MCF2L2: variants seen among roughly 807,000 people sequenced by gnomAD.
The protein encoded by MCF2L2 is probable guanine nucleotide exchange factor MCF2L2.
Under a neutral mutation model 150.2 loss-of-function variants are expected in MCF2L2, and 102 were observed. The observed-to-expected ratio is 0.68, with a 90% CI of 0.58 to 0.80. The LOEUF is 0.80. MCF2L2 is among the 30% of genes least tolerant of loss of function. The probability of loss-of-function intolerance (pLI) is 0.00; values close to 1 mark genes in which losing one functional copy is unlikely to be tolerated. For missense variants in MCF2L2, 1,256 were observed against 1,372.8 expected (o/e 0.91, Z 1.34); for synonymous variants, 465 against 491.3 (o/e 0.95, Z 0.71).
chr3:183,209,647 C>T (rs1320241791), intron 22 of MCF2L2, among the ~76,000 whole-genome samples: 1 of 152,052 alleles, frequency 6.6e-6, no homozygotes, highest in Non-Finnish European at 1.5e-5. Flanking sequence ...CATTACCATG[C>T]CCGGCTAATT....
intron 15 of MCF2L2, 178 bp downstream of exon 15, chr3:183,276,694 G>C: frequency 2.1e-6 from 1 of 468,550 alleles, no homozygotes; most frequent in Non-Finnish European, 3.8e-6. Context: ...TCTTTTGCTT[G>C]TTGCTTTTGT....
intron 6 of MCF2L2, among the ~76,000 whole-genome samples, chr3:183,320,293 C>G (rs1729760574): frequency 1.3e-5 from 2 of 152,066 alleles, no homozygotes; most frequent in African/African-American, 4.8e-5. Context: ...AGGGTTTCAC[C>G]ATGTTGTCCA....
chr3:183,338,753 A>T lies in MCF2L2; in HGVS notation c.486+47T>A, dbSNP rs6772530. ...AGAAACCCTGCCCAAATGCCATCTT[A>T]GCCAGAAGCCCTAACCAAATGAGAC... On this transcript the variant is annotated intron_variant, in intron 5 of 29. Transcript: ENST00000328913. 10 of 1,551,984 alleles carry T rather than the reference A, an allele frequency of 6.4e-6. No individual in the cohort carries two copies. In the Admixed American group the frequency reaches 9.0e-5, roughly 14 times the overall value.
intron 15 of MCF2L2, chr3:183,269,913 A>G: frequency 6.2e-7 from 1 of 1,614,132 alleles, no homozygotes; most frequent in Middle Eastern, 1.6e-4. Flanking sequence ...CGATAATCAC[A>G]TTGTGAGCCA....
At chr3:183,389,238 G>A (rs1714008602) in intron 2 of MCF2L2, among the ~76,000 whole-genome samples, 1 of 152,172 alleles carries the variant, frequency 6.6e-6, no homozygotes, top group African/African-American at 2.4e-5. Context: ...CCAATCAAAT[G>A]CTTGATGGAA....
At chr3:183,406,566 G>C (rs543288439) in intron 1 of MCF2L2, among the ~76,000 whole-genome samples, 1 of 152,230 alleles carries the variant, frequency 6.6e-6, no homozygotes, top group Non-Finnish European at 1.5e-5. Flanking sequence ...TCGGCTCACT[G>C]CAACCTCTGC....
intron 25 of MCF2L2, among the ~76,000 whole-genome samples, chr3:183,203,676 G>A (rs1722376110): frequency 6.6e-6 from 1 of 152,178 alleles, no homozygotes; most frequent in Non-Finnish European, 1.5e-5. Context: ...AATATTTAAA[G>A]AAGCAATGGC....
chr3:183,282,400 G>A (rs1235820317), intron 14 of MCF2L2, among the ~76,000 whole-genome samples: 2 of 152,008 alleles, frequency 1.3e-5, no homozygotes, highest in East Asian at 3.9e-4. Context: ...GGATGGTCTC[G>A]ATCTCCTGAC....
chr3:183,195,085 T>C (rs1015614267), intron 26 of MCF2L2, 137 bp downstream of exon 26: 2 of 760,070 alleles, frequency 2.6e-6, no homozygotes, highest in Non-Finnish European at 4.2e-6. Context: ...GCCCAGCCAA[T>C]ATTTTTTAAA....
intron 3 of MCF2L2, among the ~76,000 whole-genome samples, chr3:183,350,860 C>T (rs565942187): frequency 8.6e-5 from 13 of 151,124 alleles, no homozygotes; most frequent in Admixed American, 2.6e-4. Flanking sequence ...GCCCAGATAG[C>T]GCCACGGCAC....
intron 13 of MCF2L2, among the ~76,000 whole-genome samples, chr3:183,290,130 A>G (rs1034020475): frequency 2.0e-5 from 3 of 152,226 alleles, no homozygotes; most frequent in Non-Finnish European, 2.9e-5. Context: ...ATCACTTAGT[A>G]TATTTCCTTA....
At chr3:183,349,526 G>C (rs1178189579) in intron 3 of MCF2L2, among the ~76,000 whole-genome samples, 2 of 152,202 alleles carry the variant, frequency 1.3e-5, no homozygotes, top group Non-Finnish European at 2.9e-5. Context: ...GAGCAAAACA[G>C]TTCTGCTGCA....
intron 15 of MCF2L2, among the ~76,000 whole-genome samples, chr3:183,240,051 G>C (rs1473310333): frequency 6.6e-6 from 1 of 152,076 alleles, no homozygotes; most frequent in African/African-American, 2.4e-5. Flanking sequence ...TGTCACCCAG[G>C]CTCCTTATAT....
At chr3:183,272,522 ATTTT>A (rs1350633862) in intron 15 of MCF2L2, 2 of 993,842 alleles carry the variant, frequency 2.0e-6, no homozygotes, top group Non-Finnish European at 2.4e-6. Flanking sequence ...AGAAATTTTA[ATTTT>A]TTTCTATTTT....
chr3:183,331,426 T>C (rs1035389876), intron 5 of MCF2L2, among the ~76,000 whole-genome samples: 3 of 152,218 alleles, frequency 2.0e-5, no homozygotes. Context: ...TTACCATACG[T>C]GCATATTCTT....
In MCF2L2 at chr3:183,427,998, T is replaced by G. The variant is rs754910944; in HGVS notation, c.-21A>C. 1 of 1,596,380 alleles carries G rather than the reference T, an allele frequency of 6.3e-7. No individual in the cohort carries two copies. Among genetic ancestry groups the G allele is most frequent in the Non-Finnish European group, 8.6e-7 (1 of 1,164,134 alleles). On this transcript the variant is annotated 5_prime_UTR_variant, in exon 1 of 30. Transcript: ENST00000328913. ...AGCATTTCACTGAAAAACCATTCCG[T>G]ATAAATAAAGCCAAACAAAACTGTT...
intron 14 of MCF2L2, among the ~76,000 whole-genome samples, chr3:183,277,328 T>C (rs111653376): frequency 0.024 from 3,444 of 142,494 alleles, 149 homozygotes; most frequent in African/African-American, 0.088. Context: ...CAGAGCGAGA[T>C]GCCATATCCA....
At chr3:183,182,166 C>A (rs889785794) in intron 27 of MCF2L2, among the ~76,000 whole-genome samples, 3 of 152,128 alleles carry the variant, frequency 2.0e-5, no homozygotes, top group Non-Finnish European at 2.9e-5. Flanking sequence ...TGCCTCCAGG[C>A]GAGGATTTGC....
chr3:183,341,617 T>C lies in MCF2L2; in HGVS notation c.289A>G (p.Ser97Gly), dbSNP rs377129962. 6.2e-6 allele frequency: 10 copies of C among 1,613,872 alleles called. No homozygotes were observed. The highest frequency in any genetic ancestry group is 8.5e-6 in the Non-Finnish European group (10 of 1,179,836). Reference protein sequence around the residue: ...LTSIPSVEAASIGFIVVIDRR... With the variant: ...LTSIPSVEAAGIGFIVVIDRR... ...TCGATAACAACAATGAATCCAATGC[T>C]GGCAGCCTCCACACTGCAAAGAAGG... The change falls in exon 4 of 30, where the codon AGC (serine) becomes GGC (glycine). Residue 97 changes from serine to glycine, a missense_variant. By Grantham distance (56) the Ser-to-Gly change is moderately conservative (BLOSUM62 0). Coordinates refer to ENST00000328913, the MANE Select transcript of MCF2L2 (RefSeq NM_015078.4).
Sources: allele counts gnomAD v4.1 joint callset (sites outside exome capture counted in the v4.1 genomes callset), GRCh38; gene constraint gnomAD v4.1.1; transcripts MANE v1.5; gene names NCBI Gene and HGNC (gene_info 2026-07-23, HGNC 2026-07-21).